Variants in MGA observed in about 807,000 individuals in gnomAD.
The protein encoded by MGA is MAX dimerization protein MGA.
MGA carries 40 observed loss-of-function variants against 261.1 expected under a neutral mutation model. The ratio of observed to expected loss-of-function variants is 0.15; its 90% confidence interval spans 0.12 to 0.20. The LOEUF is 0.20. Among genes scored for constraint, MGA ranks in the 10% least tolerant of loss-of-function variants. The pLI is 1.00. For missense variants in MGA, 3,397 were observed against 3,630.5 expected, an observed-to-expected ratio of 0.94 and a Z score of 1.65; for synonymous variants, 1,302 against 1,290.6, an observed-to-expected ratio of 1.01 and a Z score of -0.19.
intron 17 of MGA, among the ~76,000 whole-genome samples, chr15:41,754,184 T>A (rs1323055251): frequency 6.6e-6 from 1 of 152,160 alleles, no homozygotes; most frequent in Non-Finnish European, 1.5e-5. Context: ...CCTCCCAAAG[T>A]GCTGGATTAT....
intron 9 of MGA, among the ~76,000 whole-genome samples, chr15:41,726,267 C>G (rs138161619): frequency 1.7e-3 from 254 of 152,276 alleles, no homozygotes; most frequent in African/African-American, 5.8e-3. Context: ...TTGGACATCC[C>G]TGCACCTCAG....
intron 2 of MGA, among the ~76,000 whole-genome samples, chr15:41,676,307 C>T (rs915936169): frequency 7.2e-5 from 11 of 152,094 alleles, no homozygotes; most frequent in African/African-American, 2.4e-4. Context: ...CTCAGCCTCC[C>T]GAGTAGCTGG....
Position 41,689,965 on chromosome 15 carries a change from G to A in MGA, c.1065-6110G>A, listed in dbSNP as rs565909736. ...CATAAAATTCACCTACCAACTGAAA[G>A]TGTAGAGTTCAATGGTTTTTAATAT... is the stretch of plus-strand genomic sequence containing the variant. On this transcript the variant is annotated intron_variant, in intron 2 of 23. Coordinates refer to ENST00000219905, the MANE Select transcript of MGA (RefSeq NM_001164273.2). Among the ~76,000 whole-genome samples the A allele has an allele frequency of 2.0e-5, 3 of 152,260 alleles. No individual in the cohort carries two copies. In the East Asian group the frequency reaches 5.8e-4, roughly 29 times the overall value.
chr15:41,669,521 A>G lies in MGA; in HGVS notation c.627A>G (p.Ala209=). ...TGCCGAGGCTTCATTTGGTGCCTGC[A>G]GAAAAGGCTGTGGAGGTGATACAAT... The change falls in exon 2 of 24, where the codon GCA becomes GCG. Residue 209 remains alanine (A), a synonymous_variant. Coordinates refer to ENST00000219905, the MANE Select transcript of MGA (RefSeq NM_001164273.2). 6.2e-7 allele frequency: 1 copy of G among 1,614,068 alleles called. No individual in the cohort carries two copies. Among genetic ancestry groups the G allele is most frequent in the Non-Finnish European group, 8.5e-7 (1 of 1,179,910 alleles).
rs1444352188 is a variant in MGA at position 41,623,771 on chromosome 15, ATATAT to A, written c.-68+2475_-68+2479del. Among the ~76,000 whole-genome samples the A allele has an allele frequency of 5.7e-3, 365 of 64,042 alleles. 1 individual carries two copies. Among genetic ancestry groups the A allele is most frequent in the Admixed American group, 0.01 (51 of 4,946 alleles). 42.0% of individuals were successfully genotyped at this position (64,042 alleles called of 152,430 possible). On this transcript the variant is annotated intron_variant, in intron 1 of 8. Coordinates refer to the MGA transcript ENST00000566718. ...CTAGGTGAATTATTTATATATATATATATATTTTTTTTTTTTTTTTGAGAGGGAGT... is the reference window on the plus strand; with the variant it reads ...CTAGGTGAATTATTTATATATATATATTTTTTTTTTTTTTTGAGAGGGAGT...
In MGA at chr15:41,767,476, T is replaced by G; in HGVS notation, c.*196T>G. The G allele has an allele frequency of 8.1e-6, 5 of 617,906 alleles. No homozygotes were observed. The allele number at this position is 617,906 out of a possible 1,614,324, so 38.3% of individuals were successfully genotyped here. ...CTCTGAAATTCTGATCATGTTAAAA[T>G]GTGTTACCTCACTTGTGGTGCTGGG... On this transcript the variant is annotated 3_prime_UTR_variant, in exon 24 of 24. Transcript: ENST00000219905.
At chr15:41,732,580 C>A (rs995981612) in intron 11 of MGA, among the ~76,000 whole-genome samples, 3 of 152,144 alleles carry the variant, frequency 2.0e-5, no homozygotes, top group African/African-American at 7.2e-5. Context: ...ACCAAGTGAA[C>A]ACTTACTTAT....
intron 19 of MGA, among the ~76,000 whole-genome samples, chr15:41,759,404 G>A (rs2063324575): frequency 6.6e-6 from 1 of 151,736 alleles, no homozygotes; most frequent in African/African-American, 2.4e-5. Context: ...TACAAGTTCA[G>A]GGCACAGTTG....
rs1218244402 is a variant in MGA, at chr15:41,729,169, G to A, written c.3663G>A (p.Arg1221=). The A allele has an allele frequency of 1.2e-6, 2 of 1,613,298 alleles. No individual in the cohort carries two copies. The highest frequency in any genetic ancestry group is 8.5e-7 in the Non-Finnish European group (1 of 1,179,640). Residue 1221 remains arginine, a synonymous_variant, in exon 11 of 24, where the codon CGG becomes CGA. Transcript: ENST00000219905. ...TTGTTGTATGAAATTTACAGATTCG[G>A]GAAGAGGACAAAGATCCAGTCTACT...
In MGA at chr15:41,626,145, C is replaced by T. The variant is rs368950742; in HGVS notation, c.-68+4847C>T. Among the ~76,000 whole-genome samples, 4 of 152,192 alleles carry T rather than the reference C, an allele frequency of 2.6e-5. No homozygotes were observed. The East Asian group carries it at 5.8e-4, about 22-fold the overall frequency. ...AGGTTTTAGACATACACTGGGGGATCTTGGAATGTATCCTGTGGGGATAAG... is the reference window on the plus strand; with the variant it reads ...AGGTTTTAGACATACACTGGGGGATTTTGGAATGTATCCTGTGGGGATAAG... On this transcript the variant is annotated intron_variant, in intron 1 of 8. Transcript: ENST00000566718.
At chr15:41,707,636 C>A (rs531613157) in intron 5 of MGA, 92 bp from the exon 6 acceptor site, 1 of 1,226,590 alleles carries the variant, frequency 8.2e-7, no homozygotes, top group Non-Finnish European at 1.1e-6. Flanking sequence ...CTTACCCCCC[C>A]GCCATCTCCC....
In MGA at chr15:41,699,231, CTCTCTCTTTCTCA is replaced by C. The variant is rs1002127674; in HGVS notation, c.2188+78_2188+90del. The C allele has an allele frequency of 3.6e-5, 34 of 951,154 alleles. No individual in the cohort carries two copies. In the African/African-American group the frequency reaches 5.9e-4, roughly 16 times the overall value. The allele number at this position is 951,154 out of a possible 1,614,324, so 58.9% of individuals were successfully genotyped here. Reference sequence around the variant, plus strand: ...TTCCCTACTGTTTCTCCTCTTTTTCCTCTCTCTTTCTCATCTCTTTTTTTCTGTTTTTTCCTCT... The same window carrying C: ...TTCCCTACTGTTTCTCCTCTTTTTCCTCTCTTTTTTTCTGTTTTTTCCTCT... On this transcript the variant is annotated intron_variant, in intron 5 of 23. Coordinates refer to ENST00000219905, the MANE Select transcript of MGA (RefSeq NM_001164273.2).
chr15:41,683,642 G>A (rs544361650), intron 2 of MGA, among the ~76,000 whole-genome samples: 5 of 148,984 alleles, frequency 3.4e-5, no homozygotes, highest in Admixed American at 2.0e-4. Flanking sequence ...GCAGTGGCGC[G>A]ATCTTGGCTC....
At chr15:41,701,245 TC>T (rs981163860) in intron 5 of MGA, among the ~76,000 whole-genome samples, 13 of 152,238 alleles carry the variant, frequency 8.5e-5, no homozygotes, top group Admixed American at 3.3e-4. Context: ...CTTTTCCACT[TC>T]CATTTTTTTT....
At chr15:41,758,402 T>C (rs1190272729) in intron 19 of MGA, among the ~76,000 whole-genome samples, 2 of 152,050 alleles carry the variant, frequency 1.3e-5, no homozygotes, top group African/African-American at 4.8e-5. Context: ...AAGACAATGA[T>C]GGGGGTTGGG....
Position 41,742,542 on chromosome 15 carries a change from G to T in MGA, c.4586-4G>T, listed in dbSNP as rs369398903. 3.9e-5 allele frequency: 63 copies of T among 1,607,954 alleles called. No homozygotes were observed. Among genetic ancestry groups the T allele is most frequent in the Non-Finnish European group, 5.4e-5 (63 of 1,176,510 alleles). On this transcript the variant is annotated splice_region_variant and splice_polypyrimidine_tract_variant and intron_variant, in intron 14 of 23. Transcript: ENST00000219905. ...ATTTTTGACCTGCAAATTTCTGTTT[G>T]CAGCGGCTCGACCCTCTCCTGGTGG...
intron 1 of MGA, among the ~76,000 whole-genome samples, chr15:41,664,614 A>G (rs1242595149): frequency 1.3e-5 from 2 of 152,242 alleles, no homozygotes; most frequent in Non-Finnish European, 2.9e-5. Context: ...CTCACGTGGA[A>G]CACATACACA....
intron 5 of MGA, among the ~76,000 whole-genome samples, chr15:41,706,861 A>C (rs116268152): frequency 0.013 from 2,000 of 152,272 alleles, 48 homozygotes; most frequent in African/African-American, 0.046. Context: ...AGTGTGAGCC[A>C]CCAGCTCCGG....
chr15:41,674,667 A>T (rs1815616973), intron 2 of MGA, among the ~76,000 whole-genome samples: 1 of 152,018 alleles, frequency 6.6e-6, no homozygotes, highest in African/African-American at 2.4e-5. Flanking sequence ...CTATAGACGC[A>T]TGCCACCACA....
Sources: allele counts gnomAD v4.1 joint callset (sites outside exome capture counted in the v4.1 genomes callset), GRCh38; gene constraint gnomAD v4.1.1; transcripts MANE v1.5; gene names NCBI Gene and HGNC (gene_info 2026-07-23, HGNC 2026-07-21).